APOL3: variants seen among roughly 807,000 people sequenced by gnomAD.
APOL3 encodes apolipoprotein L3, also known as TNF-inducible protein CG12-1.
Under a neutral mutation model 11.6 loss-of-function variants are expected in APOL3, and 14 were observed. The ratio of observed to expected loss-of-function variants is 1.21; its 90% CI spans 0.80 to 1.89. APOL3 has a LOEUF of 1.89. APOL3 is among the 40% of genes most tolerant of loss of function. The pLI is 0.00. For synonymous variants in APOL3, 192 were observed against 190.6 expected (o/e 1.01, Z -0.06); for missense variants, 483 against 492.1 (o/e 0.98, Z 0.17).
intron 2 of APOL3, among the ~76,000 whole-genome samples, chr22:36,143,591 T>A (rs1276072337): frequency 1.3e-5 from 2 of 152,206 alleles, no homozygotes; most frequent in African/African-American, 4.8e-5. Flanking sequence ...CAATGCCACA[T>A]GCCCTTTGAT....
At chr22:36,153,509 A>G (rs1389950357) in intron 1 of APOL3, 1 of 416,144 alleles carries the variant, frequency 2.4e-6, no homozygotes, top group African/African-American at 2.0e-5. Flanking sequence ...ATCTTGAATC[A>G]GTATAATTTC....
intron 1 of APOL3, among the ~76,000 whole-genome samples, chr22:36,150,374 T>G (rs13056820): frequency 0.05 from 7,670 of 152,232 alleles, 199 homozygotes; most frequent in Middle Eastern, 0.095. Flanking sequence ...CTCTAAGATG[T>G]TATAAATAAT....
At position 36,141,511 on chromosome 22, in the gene APOL3, G is replaced by A; in HGVS notation, c.898C>T (p.Gln300Ter). 6.2e-7 allele frequency: 1 copy of A among 1,614,178 alleles called. No homozygotes were observed. Among genetic ancestry groups the A allele is most frequent in the Non-Finnish European group, 8.5e-7 (1 of 1,180,028 alleles). Residue 300 changes from glutamine (Q) to a stop codon, truncating the protein, a stop_gained, in exon 3 of 3, where the codon CAA becomes TAA. Coordinates refer to ENST00000349314, the Ensembl canonical transcript of APOL3. LOFTEE classifies it low-confidence loss of function (END_TRUNC). ...GGGAGTCGGGCCCTGGCTCTGGCTT[G>A]CCTGATGGCACGGATTTCACTCCCA...
At chr22:36,154,778 C>T (rs1456917799) in intron 1 of APOL3, 5 of 338,796 alleles carry the variant, frequency 1.5e-5, no homozygotes, top group Non-Finnish European at 3.0e-5. Flanking sequence ...ATACCAAACA[C>T]TCCCTCTCCT....
chr22:36,142,582 GCA>G (rs1360980094), intron 2 of APOL3, among the ~76,000 whole-genome samples: 1 of 152,154 alleles, frequency 6.6e-6, no homozygotes, highest in Non-Finnish European at 1.5e-5. Flanking sequence ...TTTGGCTACA[GCA>G]CAGTATAGCA....
intron 2 of APOL3, among the ~76,000 whole-genome samples, chr22:36,145,009 CAAAA>C (rs1312228074): frequency 2.6e-5 from 1 of 37,934 alleles, no homozygotes; most frequent in Non-Finnish European, 7.8e-5. Context: ...GACTCTGTCT[CAAAA>C]AAAAAAAAAA....
upstream of APOL3, among the ~76,000 whole-genome samples, chr22:36,163,794 T>G (rs2013792159): frequency 6.6e-6 from 1 of 152,212 alleles, no homozygotes; most frequent in Admixed American, 6.5e-5. Flanking sequence ...GCATCCACAC[T>G]CCTATGTAAA....
chr22:36,157,050 T>C (rs1010917882), intron 1 of APOL3: 2 of 456,070 alleles, frequency 4.4e-6, no homozygotes, highest in African/African-American at 4.0e-5. Context: ...TGATTTCATG[T>C]ACTTTTGGTG....
chr22:36,161,360 A>C, upstream of APOL3: 1 of 185,772 alleles, frequency 5.4e-6, no homozygotes, highest in South Asian at 1.1e-4. Flanking sequence ...TACTTTTAAA[A>C]AATGATTTTG....
exon 3 of APOL3, chr22:36,141,106 T>G (rs2059966576): frequency 6.6e-7 from 1 of 1,522,108 alleles, no homozygotes; most frequent in Non-Finnish European, 8.8e-7. Flanking sequence ...TCCATAAACT[T>G]TACCTTGCCC....
At chr22:36,143,063 C>T (rs1425032913) in intron 2 of APOL3, among the ~76,000 whole-genome samples, 1 of 152,232 alleles carries the variant, frequency 6.6e-6, no homozygotes, top group Non-Finnish European at 1.5e-5. Context: ...CCACTCCTCA[C>T]CCTGGTGTTG....
At chr22:36,155,311 C>T (rs754661826) in intron 1 of APOL3, among the ~76,000 whole-genome samples, 2 of 152,200 alleles carry the variant, frequency 1.3e-5, no homozygotes, top group Non-Finnish European at 2.9e-5. Context: ...GTCTTTGCTC[C>T]CAGACTTTAT....
intron 1 of APOL3, among the ~76,000 whole-genome samples, chr22:36,155,466 G>T (rs950588348): frequency 6.6e-6 from 1 of 152,056 alleles, no homozygotes; most frequent in African/African-American, 2.4e-5. Flanking sequence ...GGTGTCTATT[G>T]TCTGGGGCCC....
At chr22:36,164,107 C>T (rs1224610355), upstream of APOL3, among the ~76,000 whole-genome samples, 2 of 152,180 alleles carry the variant, frequency 1.3e-5, no homozygotes, top group African/African-American at 4.8e-5. Context: ...AATCATTTCT[C>T]CTAATGTTTT....
chr22:36,163,114 CCATTGA>C (rs2013774472), upstream of APOL3, among the ~76,000 whole-genome samples: 1 of 152,154 alleles, frequency 6.6e-6, no homozygotes, highest in Non-Finnish European at 1.5e-5. Flanking sequence ...GTTGTAGTGG[CCATTGA>C]AGCCCAGAGC....
At chr22:36,149,279 C>G (rs891327504) in intron 1 of APOL3, 137 bp from the exon 2 acceptor site, 4 of 1,305,378 alleles carry the variant, frequency 3.1e-6, no homozygotes, top group Non-Finnish European at 4.0e-6. Flanking sequence ...GTTTTTTAAT[C>G]TCCTGGGCCC....
intron 1 of APOL3, 98 bp downstream of exon 2, chr22:36,148,948 A>T: frequency 8.3e-7 from 1 of 1,207,164 alleles, no homozygotes. Context: ...CTGCTTGACC[A>T]TCCGGGTTCC....
At chr22:36,142,641 T>C (rs200961630) in intron 2 of APOL3, among the ~76,000 whole-genome samples, 2 of 152,144 alleles carry the variant, frequency 1.3e-5, no homozygotes, top group East Asian at 3.9e-4. Flanking sequence ...CTTTTCTGCC[T>C]TCCAAAGGAA....
intron 1 of APOL3, among the ~76,000 whole-genome samples, chr22:36,158,112 G>A (rs941846766): frequency 2.0e-5 from 3 of 152,078 alleles, no homozygotes; most frequent in Admixed American, 2.0e-4. Context: ...TGAAGAAATA[G>A]AAATTAACGT....
Sources: gnomAD v4.1 joint callset for allele counts (sites outside exome capture counted in the v4.1 genomes callset) on GRCh38, gnomAD v4.1.1 for gene constraint, MANE v1.5 for transcripts, NCBI Gene and HGNC (gene_info 2026-07-23, HGNC 2026-07-21) for gene names.